RBFOX1: variants seen among roughly 807,000 people sequenced by gnomAD.
RBFOX1 encodes RNA binding fox-1 homolog 1.
In RBFOX1, 8 loss-of-function variants were observed where a neutral mutation model predicts 57.7. That is an observed-to-expected ratio of 0.14 (90% confidence interval 0.08 to 0.25). The LOEUF (loss-of-function observed/expected upper bound fraction) is 0.25, where lower values mean the gene tolerates loss of function less well. Ranked by LOEUF, RBFOX1 falls within the 10% of genes least tolerant of loss-of-function variation. The pLI, the probability that RBFOX1 is intolerant of heterozygous loss-of-function variation, is 1.00. For synonymous variants in RBFOX1, 326 were observed against 222.4 expected (o/e 1.47, Z -4.15); for missense variants, 611 against 548.5 (o/e 1.11, Z -1.14).
At chr16:6,860,237 G>C (rs903666648) in intron 3 of RBFOX1, among the ~76,000 whole-genome samples, 3 of 152,168 alleles carry the variant, frequency 2.0e-5, no homozygotes, top group Non-Finnish European at 4.4e-5. Context: ...TTATGTTCCA[G>C]ACACAATGTT....
chr16:6,874,780 G>GGGT (rs2061539380), intron 3 of RBFOX1, among the ~76,000 whole-genome samples: 1 of 152,108 alleles, frequency 6.6e-6, no homozygotes. Flanking sequence ...TTGAGGGGAA[G>GGGT]GGTGGGAGGT....
intron 2 of RBFOX1, among the ~76,000 whole-genome samples, chr16:6,646,731 C>T (rs981228176): frequency 6.6e-6 from 1 of 152,128 alleles, no homozygotes; most frequent in African/African-American, 2.4e-5. Context: ...TAAAAGTAAT[C>T]TGTGATTTTC....
At chr16:5,342,040 A>T (rs888312478) in intron 1 of RBFOX1, among the ~76,000 whole-genome samples, 1 of 152,226 alleles carries the variant, frequency 6.6e-6, no homozygotes, top group East Asian at 1.9e-4. Flanking sequence ...TGGTGGGACA[A>T]TGCTGGTAAA....
At chr16:5,802,411 G>A (rs189490194) in intron 3 of RBFOX1, among the ~76,000 whole-genome samples, 31 of 152,196 alleles carry the variant, frequency 2.0e-4, no homozygotes, top group Non-Finnish European at 3.7e-4. Flanking sequence ...AAACAAGGGT[G>A]GGATAGCTGC....
rs564904972 is a variant in RBFOX1 at position 6,266,724 on chromosome 16, A to AAAG, written c.-126-50253_-126-50251dup. On this transcript the variant is annotated intron_variant, in intron 1 of 15. Transcript: ENST00000550418. ...GCAAGACTCTGTCTAAAAAAAAAAA[A>AAAG]AAGAAGAAGAAGAAGAAGAATCTAT... Among the ~76,000 whole-genome samples the AAAG allele has an allele frequency of 2.8e-3, 426 of 151,810 alleles. 5 individuals are homozygous for AAAG. The highest frequency in any genetic ancestry group is 9.7e-3 in the African/African-American group (402 of 41,338).
At chr16:7,554,064 G>A (rs527546187) in intron 5 of RBFOX1, among the ~76,000 whole-genome samples, 3 of 152,054 alleles carry the variant, frequency 2.0e-5, no homozygotes, top group Non-Finnish European at 2.9e-5. Flanking sequence ...AACTATGATC[G>A]GAACACTGCA....
chr16:7,449,280 A>C (rs1215936846), intron 4 of RBFOX1, among the ~76,000 whole-genome samples: 1 of 152,120 alleles, frequency 6.6e-6, no homozygotes, highest in African/African-American at 2.4e-5. Context: ...GACATTTTTA[A>C]AATAATGTCT....
intron 1 of RBFOX1, among the ~76,000 whole-genome samples, chr16:5,303,698 C>T (rs902381460): frequency 5.9e-5 from 9 of 152,112 alleles, no homozygotes; most frequent in African/African-American, 1.4e-4. Context: ...TTATTGTTCA[C>T]TCCATTCCTC....
intron 3 of RBFOX1, among the ~76,000 whole-genome samples, chr16:5,754,207 A>T (rs547356502): frequency 6.6e-6 from 1 of 152,320 alleles, no homozygotes; most frequent in South Asian, 2.1e-4. Context: ...CATGCAAGCT[A>T]CTTAACTTCT....
At chr16:6,618,931 T>C (rs533528287) in intron 2 of RBFOX1, among the ~76,000 whole-genome samples, 5 of 152,272 alleles carry the variant, frequency 3.3e-5, no homozygotes, top group East Asian at 1.9e-4. Context: ...AACAGAGTCA[T>C]AGGGTGAAAA....
chr16:6,052,750 C>CT (rs1199713515), intron 1 of RBFOX1, among the ~76,000 whole-genome samples: 1 of 151,206 alleles, frequency 6.6e-6, no homozygotes, highest in East Asian at 1.9e-4. Context: ...CGCCACTGCA[C>CT]TCCAGCCTGG....
At chr16:6,823,217 G>C (rs1603629070) in intron 3 of RBFOX1, among the ~76,000 whole-genome samples, 2 of 151,560 alleles carry the variant, frequency 1.3e-5, no homozygotes, top group East Asian at 1.9e-4. Context: ...CTACTTCACT[G>C]ACCTCTTGGC....
At chr16:6,981,946 A>G (rs1198831857) in intron 3 of RBFOX1, among the ~76,000 whole-genome samples, 1 of 152,228 alleles carries the variant, frequency 6.6e-6, no homozygotes, top group Non-Finnish European at 1.5e-5. Flanking sequence ...GTATTACAAT[A>G]GAACTTTTTA....
intron 4 of RBFOX1, among the ~76,000 whole-genome samples, chr16:7,447,257 C>T (rs747086006): frequency 1.3e-5 from 2 of 151,358 alleles, no homozygotes; most frequent in South Asian, 2.1e-4. Context: ...CATGGGGAAA[C>T]CCCCATCTCT....
At chr16:5,809,747 C>A (rs1369050131) in intron 3 of RBFOX1, among the ~76,000 whole-genome samples, 4 of 152,126 alleles carry the variant, frequency 2.6e-5, no homozygotes, top group Non-Finnish European at 1.5e-5. Flanking sequence ...CTAGTTCAAC[C>A]ATTGTGGAAG....
intron 11 of RBFOX1, among the ~76,000 whole-genome samples, chr16:7,635,040 G>A (rs2061541772): frequency 1.3e-5 from 2 of 152,206 alleles, no homozygotes; most frequent in African/African-American, 4.8e-5. Context: ...GAAGGCCAGT[G>A]GTCAGCCTGC....
At chr16:6,954,780 G>T (rs1426270714) in intron 3 of RBFOX1, among the ~76,000 whole-genome samples, 1 of 152,116 alleles carries the variant, frequency 6.6e-6, no homozygotes, top group Admixed American at 6.5e-5. Flanking sequence ...CCTGACTTGA[G>T]CACCCAGTTT....
At chr16:7,168,306 C>A (rs1462247755) in intron 4 of RBFOX1, among the ~76,000 whole-genome samples, 1 of 151,986 alleles carries the variant, frequency 6.6e-6, no homozygotes, top group East Asian at 1.9e-4. Context: ...GGACCAAGGT[C>A]TGTTTTGCAG....
At chr16:6,757,702 G>T (rs915694500) in intron 3 of RBFOX1, among the ~76,000 whole-genome samples, 4 of 152,098 alleles carry the variant, frequency 2.6e-5, no homozygotes, top group African/African-American at 9.7e-5. Flanking sequence ...CATATGGTTA[G>T]ATAGGAGTGA....
Sources: gnomAD v4.1 joint callset for allele counts (sites outside exome capture counted in the v4.1 genomes callset) on GRCh38, gnomAD v4.1.1 for gene constraint, MANE v1.5 for transcripts, NCBI Gene and HGNC (gene_info 2026-07-23, HGNC 2026-07-21) for gene names.